The following FAM227B variants were observed in gnomAD, a reference collection of about 807,000 sequenced individuals.
FAM227B encodes the protein family with sequence similarity 227 member B.
Under a neutral mutation model 73.8 loss-of-function variants are expected in FAM227B, and 88 were observed. The ratio of observed to expected loss-of-function variants is 1.19; its 90% CI spans 1.00 to 1.42. The LOEUF is 1.42. FAM227B is among the 40% of genes most tolerant of loss of function. The pLI, the probability that FAM227B is intolerant of heterozygous loss-of-function variation, is 0.00. For synonymous variants in FAM227B, 210 were observed against 190.5 expected, an observed-to-expected ratio of 1.10 and a Z score of -0.84; for missense variants, 632 against 590.9, an observed-to-expected ratio of 1.07 and a Z score of -0.72.
intron 11 of FAM227B, among the ~76,000 whole-genome samples, chr15:49,396,684 T>A (rs2047676898): frequency 6.6e-6 from 1 of 151,358 alleles, no homozygotes; most frequent in South Asian, 2.1e-4. Context: ...AGTGGGTCCC[T>A]GACCCCTGAC....
At chr15:49,449,336 A>G (rs1322517344) in intron 11 of FAM227B, among the ~76,000 whole-genome samples, 2 of 152,036 alleles carry the variant, frequency 1.3e-5, no homozygotes, top group Non-Finnish European at 2.9e-5. Context: ...TATACCTACA[A>G]ATTGTCCTCT....
chr15:49,492,480 G>A (rs540664659), intron 11 of FAM227B, among the ~76,000 whole-genome samples: 18 of 151,820 alleles, frequency 1.2e-4, no homozygotes, highest in Admixed American at 6.6e-4. Flanking sequence ...AGTTTACAGC[G>A]TTAATTATTA....
intron 11 of FAM227B, among the ~76,000 whole-genome samples, chr15:49,450,355 T>C (rs2052611541): frequency 6.6e-6 from 1 of 152,104 alleles, no homozygotes; most frequent in African/African-American, 2.4e-5. Flanking sequence ...CTAGAGTTCA[T>C]TTCTCTGGCC....
chr15:49,331,772 A>G lies in FAM227B; in HGVS notation c.1419+8T>C. 2 of 1,552,732 alleles carry G rather than the reference A, an allele frequency of 1.3e-6. No individual in the cohort carries two copies. The highest frequency in any genetic ancestry group is 1.8e-6 in the Non-Finnish European group (2 of 1,124,324). On this transcript the variant is annotated splice_region_variant and intron_variant, in intron 15 of 15. Coordinates refer to ENST00000299338, the MANE Select transcript of FAM227B (RefSeq NM_152647.3). ...GAATTCTCAATTATTTTCAGAAAGA[A>G]AACCTACCAGTTTATGTAGGAACTT...
intron 10 of FAM227B, among the ~76,000 whole-genome samples, chr15:49,512,002 A>C (rs535616749): frequency 6.6e-6 from 1 of 152,198 alleles, no homozygotes; most frequent in Admixed American, 6.6e-5. Flanking sequence ...AGGGAACAGA[A>C]CTGGGTGGGG....
chr15:49,361,584 T>C (rs1596535995), intron 13 of FAM227B, among the ~76,000 whole-genome samples: 1 of 152,206 alleles, frequency 6.6e-6, no homozygotes, highest in East Asian at 1.9e-4. Flanking sequence ...ATCTTGTTAG[T>C]TTTTATGGCT....
intron 11 of FAM227B, among the ~76,000 whole-genome samples, chr15:49,430,233 T>G (rs1310041736): frequency 4.6e-5 from 7 of 151,890 alleles, no homozygotes; most frequent in African/African-American, 1.7e-4. Context: ...AAGAATAGGT[T>G]CTGTACCACA....
chr15:49,328,353 G>A lies in FAM227B; in HGVS notation c.*215C>T. ...TGATTCTTTTTCCATCTTAAAATAT[G>A]GTTTTACTATTAAGAGCCAAGATCA... On this transcript the variant is annotated 3_prime_UTR_variant, in exon 16 of 16. Coordinates refer to ENST00000299338, the MANE Select transcript of FAM227B (RefSeq NM_152647.3). 7.0e-7 allele frequency: 1 copy of A among 1,426,156 alleles called. No homozygotes were observed. The highest frequency in any genetic ancestry group is 9.1e-7 in the Non-Finnish European group (1 of 1,093,752). The allele number at this position is 1,426,156 out of a possible 1,614,324, so 88.3% of individuals were successfully genotyped here.
chr15:49,352,840 T>C (rs1436534398), intron 13 of FAM227B, among the ~76,000 whole-genome samples: 2 of 152,162 alleles, frequency 1.3e-5, no homozygotes, highest in Non-Finnish European at 2.9e-5. Context: ...AAAAATCACC[T>C]ACCTCAGTCC....
intron 11 of FAM227B, among the ~76,000 whole-genome samples, chr15:49,375,744 T>C (rs908561636): frequency 5.3e-5 from 8 of 152,124 alleles, no homozygotes; most frequent in African/African-American, 1.7e-4. Context: ...GAGCATACCG[T>C]CTGATAAATT....
chr15:49,508,533 A>G (rs1330608604), intron 10 of FAM227B, among the ~76,000 whole-genome samples, 185 bp from the exon 11 acceptor site: 1 of 152,104 alleles, frequency 6.6e-6, no homozygotes, highest in Admixed American at 6.6e-5. Flanking sequence ...CTGTATCCTC[A>G]GCAATAAAAA....
At chr15:49,595,238 T>A (rs1181086225) in intron 3 of FAM227B, among the ~76,000 whole-genome samples, 1 of 152,104 alleles carries the variant, frequency 6.6e-6, no homozygotes, top group Non-Finnish European at 1.5e-5. Flanking sequence ...CTGATTTGAT[T>A]CTCAGCTTGG....
intron 5 of FAM227B, among the ~76,000 whole-genome samples, chr15:49,581,664 T>C (rs781226361): frequency 1.5e-4 from 23 of 152,170 alleles, no homozygotes; most frequent in Non-Finnish European, 3.1e-4. Flanking sequence ...GAATTTCGTA[T>C]CTAGCCAAAC....
At chr15:49,432,003 C>T (rs945869121) in intron 11 of FAM227B, among the ~76,000 whole-genome samples, 11 of 151,596 alleles carry the variant, frequency 7.3e-5, no homozygotes, top group African/African-American at 2.4e-4. Context: ...GTTTGAATCT[C>T]TTGGTTGATT....
Position 49,489,803 on chromosome 15 carries a change from TTATA to T in FAM227B, c.1012+18404_1012+18407del, listed in dbSNP as rs1197091289. On this transcript the variant is annotated intron_variant, in intron 11 of 15. Transcript: ENST00000299338. ...AGAACAGGAGATATATATATATATT[TTATA>T]TATATATATATATTTTATATATATA... is the stretch of plus-strand genomic sequence containing the variant. Among the ~76,000 whole-genome samples the T allele has an allele frequency of 4.0e-3, 231 of 57,302 alleles. 16 individuals carry two copies. Among genetic ancestry groups the T allele is most frequent in the Non-Finnish European group, 6.7e-3 (182 of 27,266 alleles). 37.6% of individuals were successfully genotyped at this position (57,302 alleles called of 152,430 possible). A position where few individuals can be genotyped will look rare whatever the true frequency, so the allele number is the denominator to read the frequency against.
chr15:49,338,524 G>C (rs943648307), intron 13 of FAM227B, among the ~76,000 whole-genome samples: 12 of 152,112 alleles, frequency 7.9e-5, no homozygotes, highest in Non-Finnish European at 1.6e-4. Flanking sequence ...TCCCTTTGTG[G>C]GTAACCCAAC....
intron 11 of FAM227B, among the ~76,000 whole-genome samples, chr15:49,374,126 G>A (rs2046009401): frequency 6.6e-6 from 1 of 152,108 alleles, no homozygotes; most frequent in Non-Finnish European, 1.5e-5. Flanking sequence ...ACTTTATAAA[G>A]ATAGTTGGTA....
intron 10 of FAM227B, among the ~76,000 whole-genome samples, chr15:49,539,893 C>T (rs575328568): frequency 6.6e-6 from 1 of 152,238 alleles, no homozygotes; most frequent in South Asian, 2.1e-4. Context: ...GTGAAAATGA[C>T]TTTGGAATAT....
At chr15:49,336,989 A>G (rs977541624) in intron 13 of FAM227B, among the ~76,000 whole-genome samples, 18 of 152,198 alleles carry the variant, frequency 1.2e-4, no homozygotes, top group African/African-American at 4.1e-4. Context: ...AATGGCCTCC[A>G]TCTGCATTCA....
Sources: gnomAD v4.1 joint callset for allele counts (sites outside exome capture counted in the v4.1 genomes callset) on GRCh38, gnomAD v4.1.1 for gene constraint, MANE v1.5 for transcripts, NCBI Gene and HGNC (gene_info 2026-07-23, HGNC 2026-07-21) for gene names.